SLC24A2: variants seen among roughly 807,000 people sequenced by gnomAD.
SLC24A2 encodes sodium/potassium/calcium exchanger 2.
A neutral mutation model predicts 62.0 loss-of-function variants in SLC24A2; 36 were observed. The ratio of observed to expected loss-of-function variants is 0.58; its 90% CI spans 0.44 to 0.77. SLC24A2 has a LOEUF of 0.77. Ranked by LOEUF, SLC24A2 falls within the 30% of genes least tolerant of loss-of-function variation. The pLI is 0.00. For missense variants in SLC24A2, 846 were observed against 817.9 expected (o/e 1.03, Z -0.42); for synonymous variants, 358 against 294.0 (o/e 1.22, Z -2.23).
the SLC24A2 span, among the ~76,000 whole-genome samples, chr9:20,047,829 G>A: frequency 1.3e-5 from 2 of 151,488 alleles, no homozygotes; most frequent in East Asian, 2.0e-4. Flanking sequence ...TGAGTTTTGG[G>A]GAGACACAAA....
the SLC24A2 span, among the ~76,000 whole-genome samples, chr9:20,007,784 C>T: frequency 6.6e-6 from 1 of 150,638 alleles, no homozygotes; most frequent in Non-Finnish European, 1.5e-5. Flanking sequence ...TATAAATCTC[C>T]TGTCCTCTTC....
chr9:19,566,902 T>A (rs1028146577), intron 7 of SLC24A2, among the ~76,000 whole-genome samples: 1 of 151,554 alleles, frequency 6.6e-6, no homozygotes, highest in African/African-American at 2.4e-5. Flanking sequence ...TAGGTGGAAA[T>A]TGAACAATGA....
At chr9:19,853,118 A>C in the SLC24A2 span, among the ~76,000 whole-genome samples, 4 of 151,968 alleles carry the variant, frequency 2.6e-5, no homozygotes, top group Non-Finnish European at 5.9e-5. Flanking sequence ...CCCTCTACTT[A>C]TCTGTTGTTG....
chr9:19,551,097 C>T (rs926391871), intron 7 of SLC24A2, among the ~76,000 whole-genome samples: 11 of 152,154 alleles, frequency 7.2e-5, no homozygotes, highest in Non-Finnish European at 1.3e-4. Context: ...TAAGTTTGTA[C>T]CCATTGACCG....
the SLC24A2 span, among the ~76,000 whole-genome samples, chr9:20,175,988 G>C: frequency 6.6e-6 from 1 of 152,012 alleles, no homozygotes; most frequent in Admixed American, 6.6e-5. Flanking sequence ...GAAGGATGTG[G>C]AGGATTTGGA....
chr9:19,573,507 CACACACACACACACACACACACAGAG>C, intron 6 of SLC24A2, 38 bp from the exon 7 acceptor site: 3 of 26,204 alleles, frequency 1.1e-4, no homozygotes, highest in Admixed American at 6.3e-4. Flanking sequence ...CACACACACA[CACACACACACACACACACACACAGAG>C]AGAGAGAGAG....
the SLC24A2 span, among the ~76,000 whole-genome samples, chr9:20,015,110 G>A: frequency 1.2e-4 from 18 of 152,134 alleles, no homozygotes; most frequent in African/African-American, 2.9e-4. Context: ...CTTGTCTCCC[G>A]CCTTCACTGG....
At chr9:19,717,069 C>T (rs1820881050) in intron 2 of SLC24A2, among the ~76,000 whole-genome samples, 3 of 152,180 alleles carry the variant, frequency 2.0e-5, no homozygotes, top group Admixed American at 2.0e-4. Flanking sequence ...TAATGAACTA[C>T]TGCAGCTCAC....
the SLC24A2 span, among the ~76,000 whole-genome samples, chr9:20,109,992 G>C: frequency 6.6e-6 from 1 of 152,110 alleles, no homozygotes; most frequent in East Asian, 1.9e-4. Flanking sequence ...CAAAGAAACT[G>C]TGTTCTTTTT....
At chr9:19,623,388 A>C (rs897748055) in intron 2 of SLC24A2, among the ~76,000 whole-genome samples, 1 of 152,178 alleles carries the variant, frequency 6.6e-6, no homozygotes, top group Admixed American at 6.5e-5. Flanking sequence ...GATGCAGAAC[A>C]GTTTTAAAAC....
At chr9:19,727,987 G>A (rs904317096) in intron 2 of SLC24A2, among the ~76,000 whole-genome samples, 2 of 152,182 alleles carry the variant, frequency 1.3e-5, no homozygotes, top group Non-Finnish European at 2.9e-5. Context: ...GGAGGTCAGT[G>A]TTATCAGCCC....
intron 4 of SLC24A2, among the ~76,000 whole-genome samples, chr9:19,606,038 A>C (rs1456154208): frequency 2.6e-5 from 4 of 152,210 alleles, no homozygotes; most frequent in African/African-American, 9.6e-5. Context: ...AAATGGGCAC[A>C]TTGTGTGATG....
the SLC24A2 span, among the ~76,000 whole-genome samples, chr9:20,137,779 T>A: frequency 6.6e-6 from 1 of 152,188 alleles, no homozygotes; most frequent in Non-Finnish European, 1.5e-5. Context: ...TTTCCCCCAA[T>A]AGCCTCACAT....
chr9:19,635,973 G>A (rs1818300407), intron 2 of SLC24A2, among the ~76,000 whole-genome samples: 1 of 152,154 alleles, frequency 6.6e-6, no homozygotes, highest in Admixed American at 6.5e-5. Flanking sequence ...TGTATTTTTT[G>A]ACATGGTTAA....
chr9:19,960,243 T>G, the SLC24A2 span, among the ~76,000 whole-genome samples: 1 of 152,052 alleles, frequency 6.6e-6, no homozygotes, highest in South Asian at 2.1e-4. Flanking sequence ...AAATAAAACT[T>G]TTACTGAGCA....
At chr9:20,274,001 A>G in the SLC24A2 span, among the ~76,000 whole-genome samples, 1 of 152,220 alleles carries the variant, frequency 6.6e-6, no homozygotes, top group Non-Finnish European at 1.5e-5. Flanking sequence ...TGAGAGAAAG[A>G]TATGACTTTT....
upstream of SLC24A2, among the ~76,000 whole-genome samples, chr9:19,790,137 T>C (rs541837000): frequency 2.0e-5 from 3 of 152,192 alleles, no homozygotes; most frequent in African/African-American, 7.2e-5. Context: ...AATCTTGCTA[T>C]GTTGCCCAAG....
At chr9:19,565,974 T>C (rs938997630) in intron 7 of SLC24A2, among the ~76,000 whole-genome samples, 4 of 151,682 alleles carry the variant, frequency 2.6e-5, no homozygotes, top group African/African-American at 7.3e-5. Context: ...TCAAGATGGA[T>C]TAAAGACTTA....
intron 2 of SLC24A2, 68 bp downstream of exon 2, chr9:19,785,869 T>A: frequency 6.2e-7 from 1 of 1,605,042 alleles, no homozygotes; most frequent in Non-Finnish European, 8.5e-7. Flanking sequence ...GAACTGCAGA[T>A]CTCAAAAACA....
Sources: gnomAD v4.1 joint callset for allele counts (sites outside exome capture counted in the v4.1 genomes callset) on GRCh38, gnomAD v4.1.1 for gene constraint, MANE v1.5 for transcripts, NCBI Gene and HGNC (gene_info 2026-07-23, HGNC 2026-07-21) for gene names.